HS3ST1: variants seen among roughly 807,000 people sequenced by gnomAD.
HS3ST1 encodes the protein heparan sulfate glucosamine 3-O-sulfotransferase 1.
In HS3ST1, 8 loss-of-function variants were observed where a neutral mutation model predicts 20.7. The ratio of observed to expected loss-of-function variants is 0.39; its 90% CI spans 0.23 to 0.70. The LOEUF (loss-of-function observed/expected upper bound fraction) is 0.70. HS3ST1 is among the 30% of genes least tolerant of loss of function. The pLI, the probability that HS3ST1 is intolerant of heterozygous loss-of-function variation, is 0.46. For missense variants in HS3ST1, 436 were observed against 423.4 expected (o/e 1.03, Z -0.26); for synonymous variants, 205 against 190.4 (o/e 1.08, Z -0.63).
At chr4:11,419,427 A>G (rs1250259702) in intron 1 of HS3ST1, among the ~76,000 whole-genome samples, 2 of 152,194 alleles carry the variant, frequency 1.3e-5, no homozygotes, top group African/African-American at 4.8e-5. Context: ...GAGTTGAACA[A>G]TGAGAACACA....
chr4:11,410,930 G>C (rs575092669), intron 1 of HS3ST1, among the ~76,000 whole-genome samples: 2 of 151,858 alleles, frequency 1.3e-5, no homozygotes, highest in South Asian at 4.2e-4. Flanking sequence ...AAAAAGTAGA[G>C]GAAAAATAGC....
In HS3ST1 at chr4:11,399,466, G is replaced by A. The variant is rs761018180; in HGVS notation, c.540C>T (p.Arg180=). The part of the protein sequence containing the change: ...PYPSIEEFLV[R]DGRLNVDYKA... ...TGTAGTCCACATTGAGCCTGCCATC[G>A]CGCACCAGGAACTCCTCGATGGACG... Residue 180 remains arginine, a synonymous_variant, in exon 2 of 2, where the codon CGC becomes CGT. Transcript: ENST00000002596. The surrounding 1 kb of genome is among the most constrained non-coding windows in gnomAD (Gnocchi z 5.1). 9.3e-6 allele frequency: 15 copies of A among 1,613,988 alleles called. No individual in the cohort carries two copies. In the East Asian group the frequency reaches 2.0e-4, roughly 22 times the overall value.
intron 1 of HS3ST1, among the ~76,000 whole-genome samples, chr4:11,406,068 A>G (rs1008384606): frequency 1.3e-5 from 2 of 152,206 alleles, no homozygotes; most frequent in African/African-American, 4.8e-5. Flanking sequence ...CCTCTAGGGT[A>G]GCAGGGATGA....
At chr4:11,426,458 G>GC (rs1161220729) in intron 1 of HS3ST1, among the ~76,000 whole-genome samples, 1 of 152,056 alleles carries the variant, frequency 6.6e-6, no homozygotes, top group Non-Finnish European at 1.5e-5. Context: ...GACCCAGGGG[G>GC]GGGGCTTGAG....
chr4:11,413,072 C>G (rs527559772), intron 1 of HS3ST1, among the ~76,000 whole-genome samples: 1 of 152,194 alleles, frequency 6.6e-6, no homozygotes, highest in African/African-American at 2.4e-5. Context: ...ATGCTGGCAT[C>G]CTGGCCTCAG....
chr4:11,424,051 A>C (rs1186842209), intron 1 of HS3ST1, among the ~76,000 whole-genome samples: 6 of 151,648 alleles, frequency 4.0e-5, no homozygotes, highest in Admixed American at 6.6e-5. Flanking sequence ...AAAAAAAAAA[A>C]AAAAAAACAT....
rs1718221990 is a variant in HS3ST1 at position 11,398,939 on chromosome 4, A to G, written c.*143T>C. 3 of 690,090 alleles carry G rather than the reference A, an allele frequency of 4.3e-6. No individual in the cohort carries two copies. Among genetic ancestry groups the G allele is most frequent in the East Asian group, 2.7e-5 (1 of 36,530 alleles). 42.7% of individuals were successfully genotyped at this position (690,090 alleles called of 1,614,324 possible). On this transcript the variant is annotated 3_prime_UTR_variant, in exon 2 of 2. Transcript: ENST00000002596. ...AAAAATATAACTAGTATATATGGCA[A>G]TTGTGAATCTAATACTGTACAGAAG... is the stretch of plus-strand genomic sequence containing the variant.
At chr4:11,413,332 C>G (rs776780219) in intron 1 of HS3ST1, among the ~76,000 whole-genome samples, 3 of 151,926 alleles carry the variant, frequency 2.0e-5, no homozygotes, top group South Asian at 4.2e-4. Context: ...GCAGTTTGCT[C>G]TAAGACTTCT....
rs1684078742 is a variant in HS3ST1, at chr4:11,398,018, C to A, written c.*1064G>T. 1 of 152,164 alleles carries A rather than the reference C, an allele frequency of 6.6e-6. No homozygotes were observed. The highest frequency in any genetic ancestry group is 2.4e-5 in the African/African-American group (1 of 41,456). The allele number at this position is 152,164 out of a possible 1,614,324, so 9.4% of individuals were successfully genotyped here. A position where few individuals can be genotyped will look rare whatever the true frequency, so the allele number is the denominator to read the frequency against. ...TCCTCTGGGGGCAGGTACAGTGGTT[C>A]TCTTAGGTGCTACCTTCAACTCTGC... On this transcript the variant is annotated 3_prime_UTR_variant, in exon 2 of 2. Transcript: ENST00000002596.
intron 1 of HS3ST1, chr4:11,414,016 G>C (rs980188096): frequency 2.0e-5 from 3 of 152,204 alleles, no homozygotes; most frequent in Non-Finnish European, 4.4e-5. Context: ...GCAGGAGGAT[G>C]CATGAGATAG....
At chr4:11,411,571 C>T (rs1200175557) in intron 1 of HS3ST1, among the ~76,000 whole-genome samples, 1 of 152,008 alleles carries the variant, frequency 6.6e-6, no homozygotes, top group African/African-American at 2.4e-5. Context: ...GTAATCTATC[C>T]AGAGAAACAA....
At chr4:11,421,626 G>T (rs1718938042) in intron 1 of HS3ST1, among the ~76,000 whole-genome samples, 1 of 152,178 alleles carries the variant, frequency 6.6e-6, no homozygotes, top group Non-Finnish European at 1.5e-5. Context: ...CTACCACAGG[G>T]TGTACAAGTA....
At chr4:11,400,154 C>G (rs368716272) in intron 1 of HS3ST1, 41 bp from the exon 2 acceptor site, 16 of 1,404,508 alleles carry the variant, frequency 1.1e-5, no homozygotes, top group Non-Finnish European at 1.2e-5. Flanking sequence ...ATAACAAATA[C>G]AGGGATAATT....
At chr4:11,425,169 G>C (rs1719030235) in intron 1 of HS3ST1, among the ~76,000 whole-genome samples, 1 of 152,166 alleles carries the variant, frequency 6.6e-6, no homozygotes, top group African/African-American at 2.4e-5. Context: ...TATACTTATT[G>C]AATGTCTAAG....
In HS3ST1 at chr4:11,423,021, C is replaced by CAAAAAAAAA. The variant is rs71181101; in HGVS notation, c.-109+5669_-109+5677dup. Among the ~76,000 whole-genome samples the CAAAAAAAAA allele has an allele frequency of 4.7e-4, 16 of 34,392 alleles. 4 individuals are homozygous for CAAAAAAAAA. Among genetic ancestry groups the CAAAAAAAAA allele is most frequent in the African/African-American group, 8.4e-4 (7 of 8,306 alleles). 22.6% of individuals were successfully genotyped at this position (34,392 alleles called of 152,430 possible). A position where few individuals can be genotyped will look rare whatever the true frequency, so the allele number is the denominator to read the frequency against. On this transcript the variant is annotated intron_variant, in intron 1 of 1. Transcript: ENST00000002596. Reference sequence around the variant, plus strand: ...CAGGGCAACAAGAGCGAGACACCGTCAAAAAAAAAAAAAAAAAAAAAAAAA... The same window carrying CAAAAAAAAA: ...CAGGGCAACAAGAGCGAGACACCGTCAAAAAAAAAAAAAAAAAAAAAAAAAAAAAAAAAA...
Position 11,410,594 on chromosome 4 carries a change from A to T in HS3ST1, c.-108-10481T>A, listed in dbSNP as rs929824458. Among the ~76,000 whole-genome samples, 111 of 152,262 alleles carry T rather than the reference A, an allele frequency of 7.3e-4. 1 individual carries two copies. Among genetic ancestry groups the T allele is most frequent in the African/African-American group, 2.4e-3 (98 of 41,558 alleles). ...GCTGCAGTGTTCTCTCTAGAAATTTAGAAAGAGGGTAGAGGAGGCTGGGAG... is the reference window on the plus strand; with the variant it reads ...GCTGCAGTGTTCTCTCTAGAAATTTTGAAAGAGGGTAGAGGAGGCTGGGAG... On this transcript the variant is annotated intron_variant, in intron 1 of 1. Coordinates refer to ENST00000002596, the MANE Select transcript of HS3ST1 (RefSeq NM_005114.4).
intron 1 of HS3ST1, among the ~76,000 whole-genome samples, chr4:11,418,200 G>A (rs145837046): frequency 0.012 from 1,851 of 152,278 alleles, 58 homozygotes; most frequent in Admixed American, 0.055. Flanking sequence ...CTGGAGGGGA[G>A]GATCGGCCAG....
intron 1 of HS3ST1, among the ~76,000 whole-genome samples, chr4:11,428,224 G>T (rs1719114734): frequency 6.6e-6 from 1 of 152,224 alleles, no homozygotes; most frequent in South Asian, 2.1e-4. Context: ...ACCCGACCAA[G>T]GCTTCTCCAC....
chr4:11,410,424 C>T (rs1199898373), intron 1 of HS3ST1, among the ~76,000 whole-genome samples: 1 of 152,160 alleles, frequency 6.6e-6, no homozygotes, highest in Non-Finnish European at 1.5e-5. Flanking sequence ...AAGGAAGTCC[C>T]ACGGAAGCAT....
Sources: allele counts gnomAD v4.1 joint callset (sites outside exome capture counted in the v4.1 genomes callset), GRCh38; gene constraint gnomAD v4.1.1; non-coding constraint Gnocchi (gnomAD v3.1); transcripts MANE v1.5; gene names NCBI Gene and HGNC (gene_info 2026-07-23, HGNC 2026-07-21).